MPP7: variants seen among roughly 807,000 people sequenced by gnomAD.
The protein encoded by MPP7 is MAGUK p55 subfamily member 7.
In MPP7, 60 loss-of-function variants were observed where a neutral mutation model predicts 76.5. The observed-to-expected ratio is 0.78, with a 90% CI of 0.64 to 0.97. The LOEUF (loss-of-function observed/expected upper bound fraction) is 0.97, where lower values mean the gene tolerates loss of function less well. Among genes scored for constraint, MPP7 ranks in the 50% least tolerant of loss-of-function variants. MPP7 has a pLI of 0.00. For missense variants in MPP7, 641 were observed against 694.0 expected (o/e 0.92, Z 0.86); for synonymous variants, 237 against 244.5 (o/e 0.97, Z 0.29).
intron 12 of MPP7, among the ~76,000 whole-genome samples, chr10:28,084,694 A>T (rs1196359139): frequency 2.0e-5 from 3 of 152,220 alleles, no homozygotes; most frequent in Non-Finnish European, 2.9e-5. Context: ...AAGGCAGTAG[A>T]CAGATTATGA....
intron 11 of MPP7, among the ~76,000 whole-genome samples, chr10:28,099,179 T>C (rs1588765720): frequency 6.6e-6 from 1 of 152,144 alleles, no homozygotes; most frequent in Non-Finnish European, 1.5e-5. Context: ...TCAAGCAAAG[T>C]CAAGATAACT....
chr10:28,185,564 G>A (rs144635592), intron 3 of MPP7, among the ~76,000 whole-genome samples: 8 of 152,274 alleles, frequency 5.3e-5, no homozygotes, highest in Admixed American at 2.0e-4. Flanking sequence ...CATGGAAGTC[G>A]TTGTCCTCTC....
chr10:28,059,460 A>T, intron 14 of MPP7, 190 bp downstream of exon 14: 1 of 495,428 alleles, frequency 2.0e-6, no homozygotes, highest in Non-Finnish European at 3.5e-6. Flanking sequence ...AAGCAAATCC[A>T]GGTTACTAAA....
chr10:28,174,454 G>A (rs1040964918), intron 3 of MPP7, among the ~76,000 whole-genome samples: 8 of 152,240 alleles, frequency 5.3e-5, no homozygotes, highest in African/African-American at 1.7e-4. Context: ...TCTCACCATA[G>A]GACACGCATA....
intron 15 of MPP7, 78 bp from the exon 16 acceptor site, chr10:28,056,701 T>A: frequency 1.6e-6 from 2 of 1,288,770 alleles, no homozygotes; most frequent in Non-Finnish European, 2.1e-6. Flanking sequence ...TAGGAGAAAA[T>A]TCCTCAAAAT....
chr10:28,293,044 A>T (rs1589035171), intron 1 of MPP7, among the ~76,000 whole-genome samples: 2 of 87,682 alleles, frequency 2.3e-5, no homozygotes, highest in African/African-American at 9.6e-5. Context: ...CCAGAAGGTT[A>T]AAAAAAAAAA....
intron 2 of MPP7, among the ~76,000 whole-genome samples, chr10:28,316,435 T>TAAAAAA (rs549621404): frequency 1.1e-4 from 4 of 37,148 alleles, no homozygotes; most frequent in Non-Finnish European, 1.6e-4. Context: ...ACTCTGTCTT[T>TAAAAAA]AAAAAAAAAA....
intron 3 of MPP7, among the ~76,000 whole-genome samples, chr10:28,175,370 AG>A (rs1399201180): frequency 6.6e-6 from 1 of 152,134 alleles, no homozygotes; most frequent in Non-Finnish European, 1.5e-5. Flanking sequence ...TGATTTACTT[AG>A]GAAGTAGAGT....
intron 2 of MPP7, among the ~76,000 whole-genome samples, chr10:28,229,779 C>T (rs1161484338): frequency 2.0e-5 from 3 of 152,026 alleles, no homozygotes; most frequent in Non-Finnish European, 4.4e-5. Flanking sequence ...GTCCCAGCTA[C>T]TCAGGAGGCT....
chr10:28,204,028 G>A (rs1284360179), intron 2 of MPP7, among the ~76,000 whole-genome samples: 2 of 152,190 alleles, frequency 1.3e-5, no homozygotes, highest in Non-Finnish European at 2.9e-5. Flanking sequence ...AAGCAAAAGT[G>A]TGGATCAAAC....
intron 12 of MPP7, among the ~76,000 whole-genome samples, chr10:28,076,204 C>T (rs939159268): frequency 1.3e-5 from 2 of 152,108 alleles, no homozygotes; most frequent in African/African-American, 4.8e-5. Context: ...AAAACTCAGA[C>T]AAGAGCTGCC....
chr10:28,139,651 C>A (rs1410753414), intron 5 of MPP7, among the ~76,000 whole-genome samples: 1 of 152,096 alleles, frequency 6.6e-6, no homozygotes, highest in Non-Finnish European at 1.5e-5. Flanking sequence ...TAGGGCTTCA[C>A]AATGATTAAA....
At chr10:28,299,439 T>G (rs1251950916) in intron 1 of MPP7, among the ~76,000 whole-genome samples, 4 of 152,168 alleles carry the variant, frequency 2.6e-5, no homozygotes, top group African/African-American at 9.7e-5. Flanking sequence ...TTCACCATAT[T>G]ATATAGGTGC....
chr10:28,290,768 C>A (rs898282446), intron 1 of MPP7, among the ~76,000 whole-genome samples: 2 of 152,094 alleles, frequency 1.3e-5, no homozygotes, highest in Non-Finnish European at 2.9e-5. Flanking sequence ...CCACCACGCC[C>A]GGCCCCAATC....
intron 1 of MPP7, among the ~76,000 whole-genome samples, chr10:28,292,065 A>G (rs931644465): frequency 6.6e-5 from 10 of 152,148 alleles, no homozygotes; most frequent in Admixed American, 3.9e-4. Flanking sequence ...TTTTTACTAT[A>G]CTTTTTCTAT....
At position 28,256,035 on chromosome 10, in the gene MPP7, G is replaced by A. The variant is rs569615580; in HGVS notation, c.-131-17300C>T. ...TTCTACTATCTGGAAAGACATACATGGTTAATTTTCTTTGCTCTGACAATC... is the reference window on the plus strand; with the variant it reads ...TTCTACTATCTGGAAAGACATACATAGTTAATTTTCTTTGCTCTGACAATC... On this transcript the variant is annotated intron_variant, in intron 1 of 16. Transcript: ENST00000683449. 3.3e-5 allele frequency among the ~76,000 whole-genome samples: 5 copies of A among 152,170 alleles called. No homozygotes were observed. The South Asian group carries it at 8.3e-4, about 25-fold the overall frequency.
At chr10:28,187,252 GA>G (rs1490692847) in intron 3 of MPP7, among the ~76,000 whole-genome samples, 4 of 152,162 alleles carry the variant, frequency 2.6e-5, no homozygotes, top group Non-Finnish European at 4.4e-5. Context: ...GGAAATCTCT[GA>G]AAAGGGCAAC....
chr10:28,327,022 G>T (rs1834422305), intron 2 of MPP7, among the ~76,000 whole-genome samples: 1 of 152,126 alleles, frequency 6.6e-6, no homozygotes, highest in Non-Finnish European at 1.5e-5. Flanking sequence ...GGAGAGTCTG[G>T]ATACATTCCT....
intron 1 of MPP7, among the ~76,000 whole-genome samples, chr10:28,259,471 T>C (rs1050503305): frequency 2.8e-4 from 42 of 151,972 alleles, no homozygotes; most frequent in African/African-American, 9.7e-4. Context: ...TCCCAGCTAC[T>C]TGTGAGGCTG....
Sources: allele counts gnomAD v4.1 joint callset (sites outside exome capture counted in the v4.1 genomes callset), GRCh38; gene constraint gnomAD v4.1.1; transcripts MANE v1.5; gene names NCBI Gene and HGNC (gene_info 2026-07-23, HGNC 2026-07-21).